Variants in MEIS2 observed in about 807,000 individuals in gnomAD.
The protein encoded by MEIS2 is Meis homeobox 2, also known as homeobox protein Meis2.
MEIS2 carries 9 observed loss-of-function variants against 58.6 expected under a neutral mutation model. The observed-to-expected ratio is 0.15, with a 90% confidence interval of 0.09 to 0.27. The LOEUF (loss-of-function observed/expected upper bound fraction) is 0.27, where lower values mean the gene tolerates loss of function less well. Ranked by LOEUF, MEIS2 falls within the 10% of genes least tolerant of loss-of-function variation. The pLI, the probability that MEIS2 is intolerant of heterozygous loss-of-function variation, is 1.00. For missense variants in MEIS2, 427 were observed against 635.0 expected (o/e 0.67, Z 3.52); for synonymous variants, 221 against 228.4 (o/e 0.97, Z 0.29).
At chr15:36,995,734 AAG>A in intron 8 of MEIS2, among the ~76,000 whole-genome samples, 6 of 19,366 alleles carry the variant, frequency 3.1e-4, no homozygotes, top group Non-Finnish European at 3.6e-4. Flanking sequence ...AAAAAAAACA[AAG>A]AAAAGAAAAG....
intron 8 of MEIS2, among the ~76,000 whole-genome samples, chr15:36,954,077 A>G (rs1395147104): frequency 1.3e-5 from 2 of 152,124 alleles, no homozygotes; most frequent in African/African-American, 4.8e-5. Flanking sequence ...ATCACCTCAT[A>G]AATTAGATAT....
At chr15:36,976,796 A>G (rs1213398841) in intron 8 of MEIS2, among the ~76,000 whole-genome samples, 2 of 152,164 alleles carry the variant, frequency 1.3e-5, no homozygotes, top group East Asian at 3.9e-4. Flanking sequence ...TGTAAAGAGG[A>G]GTAAAACACA....
intron 9 of MEIS2, 188 bp from the exon 10 acceptor site, chr15:36,896,874 A>C (rs1451472772): frequency 1.3e-5 from 7 of 558,830 alleles, no homozygotes; most frequent in Non-Finnish European, 2.2e-5. Flanking sequence ...GTCACTGCGT[A>C]GTCAACTCCA....
At chr15:36,896,315 AATGATTGG>A (rs2056173920) in intron 10 of MEIS2, among the ~76,000 whole-genome samples, 1 of 152,236 alleles carries the variant, frequency 6.6e-6, no homozygotes, top group Admixed American at 6.5e-5. Context: ...AGAGTGTGCT[AATGATTGG>A]ATGCAGACAA....
At chr15:36,892,797 T>C (rs2055946012) in intron 11 of MEIS2, among the ~76,000 whole-genome samples, 1 of 152,220 alleles carries the variant, frequency 6.6e-6, no homozygotes, top group African/African-American at 2.4e-5. Flanking sequence ...AGTTAACTGT[T>C]GATAGATCAT....
At chr15:36,907,535 T>A (rs960776638) in intron 9 of MEIS2, among the ~76,000 whole-genome samples, 27 of 152,166 alleles carry the variant, frequency 1.8e-4, no homozygotes, top group African/African-American at 6.5e-4. Context: ...CCAGAAGTGT[T>A]TGGATGGACC....
At chr15:37,012,374 T>G (rs906525577) in intron 8 of MEIS2, among the ~76,000 whole-genome samples, 2 of 152,180 alleles carry the variant, frequency 1.3e-5, no homozygotes, top group African/African-American at 2.4e-5. Flanking sequence ...AAGAAGTGAA[T>G]GAAGAGATGC....
At chr15:37,026,098 G>A (rs1339442807) in intron 8 of MEIS2, among the ~76,000 whole-genome samples, 1 of 152,096 alleles carries the variant, frequency 6.6e-6, no homozygotes, top group East Asian at 1.9e-4. Flanking sequence ...AGCAACTCAT[G>A]AGCTGCCTGC....
intron 7 of MEIS2, among the ~76,000 whole-genome samples, chr15:37,044,309 T>C (rs1054460667): frequency 6.6e-6 from 1 of 152,180 alleles, no homozygotes; most frequent in Non-Finnish European, 1.5e-5. Context: ...AGAGGCCCTG[T>C]ATGTTCACAT....
chr15:36,903,360 G>T (rs1412671550), intron 9 of MEIS2, among the ~76,000 whole-genome samples: 8 of 152,076 alleles, frequency 5.3e-5, no homozygotes, highest in Admixed American at 2.0e-4. Flanking sequence ...TCACATCTAG[G>T]ATCTATCCTC....
intron 8 of MEIS2, among the ~76,000 whole-genome samples, chr15:37,015,449 T>C (rs1205995359): frequency 1.4e-5 from 2 of 144,556 alleles, no homozygotes; most frequent in African/African-American, 5.1e-5. Context: ...GGTGCAGGAG[T>C]ATATCCACAC....
At chr15:37,028,967 T>G (rs1474304843) in intron 8 of MEIS2, among the ~76,000 whole-genome samples, 1 of 152,038 alleles carries the variant, frequency 6.6e-6, no homozygotes. Context: ...TTGGAAACAT[T>G]GCAAAAGAAG....
intron 1 of MEIS2, chr15:37,098,464 C>G (rs1011339855): frequency 2.6e-5 from 28 of 1,079,244 alleles, no homozygotes; most frequent in Admixed American, 4.1e-5. Flanking sequence ...GAGAAAAGTA[C>G]CGAGCACAAG....
intron 9 of MEIS2, chr15:36,901,194 C>T (rs781443855): frequency 6.6e-6 from 1 of 152,188 alleles, no homozygotes; most frequent in Non-Finnish European, 1.5e-5. Flanking sequence ...CCCTACTGTC[C>T]CCAGCCCTGG....
intron 8 of MEIS2, among the ~76,000 whole-genome samples, chr15:37,017,940 A>C (rs1017657662): frequency 5.3e-5 from 8 of 152,182 alleles, no homozygotes; most frequent in African/African-American, 1.9e-4. Context: ...TGTCCCCTTA[A>C]AGGGCCAACA....
At chr15:37,020,248 TG>T (rs1428732222) in intron 8 of MEIS2, among the ~76,000 whole-genome samples, 5 of 152,066 alleles carry the variant, frequency 3.3e-5, no homozygotes, top group African/African-American at 1.2e-4. Context: ...GAGCACAGTC[TG>T]ACAAACCGGG....
chr15:36,926,781 A>G (rs1172336061), intron 9 of MEIS2, among the ~76,000 whole-genome samples: 1 of 152,182 alleles, frequency 6.6e-6, no homozygotes, highest in African/African-American at 2.4e-5. Flanking sequence ...TTTCTGGCTG[A>G]TTGGAAAGGC....
intron 7 of MEIS2, among the ~76,000 whole-genome samples, chr15:37,079,601 A>G (rs1249616791): frequency 6.6e-6 from 1 of 152,170 alleles, no homozygotes; most frequent in African/African-American, 2.4e-5. Context: ...GTGCAATACT[A>G]TCTTAGACAT....
At chr15:36,997,172 C>T (rs1298486424) in intron 8 of MEIS2, among the ~76,000 whole-genome samples, 1 of 152,180 alleles carries the variant, frequency 6.6e-6, no homozygotes, top group Non-Finnish European at 1.5e-5. Context: ...GGAAAGATTG[C>T]TTACTTTGTG....
Sources: allele counts gnomAD v4.1 joint callset (sites outside exome capture counted in the v4.1 genomes callset), GRCh38; gene constraint gnomAD v4.1.1; transcripts MANE v1.5; gene names NCBI Gene and HGNC (gene_info 2026-07-23, HGNC 2026-07-21).